The following PIK3CD variants were observed in gnomAD, a reference collection of about 807,000 sequenced individuals.
PIK3CD encodes the protein phosphatidylinositol 4,5-bisphosphate 3-kinase catalytic subunit delta isoform.
PIK3CD carries 20 observed loss-of-function variants against 122.9 expected under a neutral mutation model. That is an observed-to-expected ratio of 0.16 (90% CI 0.11 to 0.24). The LOEUF (loss-of-function observed/expected upper bound fraction) is 0.24. PIK3CD is among the 10% of genes least tolerant of loss of function. PIK3CD has a pLI of 1.00. For missense variants in PIK3CD, 787 were observed against 1,406.3 expected, an observed-to-expected ratio of 0.56 and a Z score of 7.04; for synonymous variants, 596 against 593.4, an observed-to-expected ratio of 1.00 and a Z score of -0.06.
the PIK3CD span, among the ~76,000 whole-genome samples, chr1:9,636,858 G>T: frequency 6.6e-6 from 1 of 152,020 alleles, no homozygotes; most frequent in African/African-American, 2.4e-5. Context: ...GGTGATCTTG[G>T]CAAGTTACCT....
rs1045622331 is a variant in PIK3CD at position 9,715,076 on chromosome 1, C to T, written c.142-465C>T. The stretch of plus-strand genomic sequence containing the variant: ...CCTATAATCCCAGCTACTCGGGAGG[C>T]TGAGGCAAGAGAATCACTTGAACCT... On this transcript the variant is annotated intron_variant, in intron 3 of 23. Transcript: ENST00000377346. The surrounding 1 kb of genome is among the most constrained non-coding windows in gnomAD (Gnocchi z 4.1). 8.5e-5 allele frequency among the ~76,000 whole-genome samples: 13 copies of T among 152,172 alleles called. No homozygotes were observed. Among genetic ancestry groups the T allele is most frequent in the Non-Finnish European group, 1.8e-4 (12 of 68,036 alleles).
chr1:9,703,238 A>G (rs890950685), intron 2 of PIK3CD, among the ~76,000 whole-genome samples: 2 of 152,218 alleles, frequency 1.3e-5, no homozygotes, highest in African/African-American at 2.4e-5. Context: ...CTGGAATCCT[A>G]TAGTCAGGGA....
chr1:9,695,269 C>G (rs1381690343), intron 2 of PIK3CD, among the ~76,000 whole-genome samples: 1 of 151,528 alleles, frequency 6.6e-6, no homozygotes, highest in Non-Finnish European at 1.5e-5. Context: ...TCCAGGAGAC[C>G]CAGCATGCAC....
rs555116022 is a variant in PIK3CD at position 9,690,749 on chromosome 1, A to C, written c.-137-718A>C. 1.5e-3 allele frequency among the ~76,000 whole-genome samples: 223 copies of C among 152,154 alleles called. 1 individual carries two copies. Among genetic ancestry groups the C allele is most frequent in the African/African-American group, 3.7e-3 (152 of 41,500 alleles). ...TAGGGCTCTGCTGTTTGACTCATGGAGAAGCCGGTGGTTTTGGTGTTGTGC... is the reference window on the plus strand; with the variant it reads ...TAGGGCTCTGCTGTTTGACTCATGGCGAAGCCGGTGGTTTTGGTGTTGTGC... On this transcript the variant is annotated intron_variant, in intron 1 of 23. Coordinates refer to ENST00000377346, the MANE Select transcript of PIK3CD (RefSeq NM_005026.5).
At chr1:9,638,681 G>A in the PIK3CD span, among the ~76,000 whole-genome samples, 4 of 136,012 alleles carry the variant, frequency 2.9e-5, no homozygotes, top group Admixed American at 7.8e-5. Flanking sequence ...GCAGTGAGCC[G>A]AGATTGCACC....
intron 1 of PIK3CD, among the ~76,000 whole-genome samples, chr1:9,655,240 C>T (rs1425996593): frequency 6.6e-6 from 1 of 151,984 alleles, no homozygotes; most frequent in African/African-American, 2.4e-5. Flanking sequence ...CAGAGCCTGG[C>T]TTGTTTGAAA....
upstream of PIK3CD, among the ~76,000 whole-genome samples, chr1:9,647,521 A>ATTATTATTG (rs1644620262): frequency 6.7e-6 from 1 of 148,656 alleles, no homozygotes; most frequent in African/African-American, 2.5e-5. Context: ...TATTATTATT[A>ATTATTATTG]GAGACGTGGT....
In PIK3CD at chr1:9,723,922, G is replaced by A. The variant is rs28730677; in HGVS notation, c.2595-47G>A. 5,586 of 1,583,932 alleles carry A rather than the reference G, an allele frequency of 3.5e-3. 115 individuals are homozygous for A. The East Asian group carries it at 0.05, about 14-fold the overall frequency. On this transcript the variant is annotated intron_variant, in intron 20 of 23. Coordinates refer to ENST00000377346, the MANE Select transcript of PIK3CD (RefSeq NM_005026.5). This position sits in a 1 kb window ranked among gnomAD's most constrained non-coding sequence, Gnocchi z 4.9. ...AGTAATAACCCACCTCTTGATAGGCGGAGCTGCAAAATGGTATGGCCATGC... is the reference window on the plus strand; with the variant it reads ...AGTAATAACCCACCTCTTGATAGGCAGAGCTGCAAAATGGTATGGCCATGC...
chr1:9,726,537 AT>A (rs1057031942), intron 23 of PIK3CD, among the ~76,000 whole-genome samples: 8 of 151,868 alleles, frequency 5.3e-5, no homozygotes, highest in Admixed American at 5.3e-4. Flanking sequence ...ATACATATGT[AT>A]TTTTTTTCCT....
chr1:9,718,955 A>G lies in PIK3CD; in HGVS notation c.1242+40A>G. On this transcript the variant is annotated intron_variant, in intron 9 of 23. Coordinates refer to ENST00000377346, the MANE Select transcript of PIK3CD (RefSeq NM_005026.5). The surrounding 1 kb of genome is among the most constrained non-coding windows in gnomAD (Gnocchi z 7.2). ...CGGCTGGGAGGGGTGCAGACCCCGGAGAGCCAGTACAGCCCCTTGCTGGGC... is the reference window on the plus strand; with the variant it reads ...CGGCTGGGAGGGGTGCAGACCCCGGGGAGCCAGTACAGCCCCTTGCTGGGC... 1 of 1,577,874 alleles carries G rather than the reference A, an allele frequency of 6.3e-7. No individual in the cohort carries two copies. Among genetic ancestry groups the G allele is most frequent in the Non-Finnish European group, 8.7e-7 (1 of 1,153,262 alleles).
At chr1:9,674,202 G>A (rs1388525925) in intron 1 of PIK3CD, among the ~76,000 whole-genome samples, 1 of 152,184 alleles carries the variant, frequency 6.6e-6, no homozygotes, top group East Asian at 1.9e-4. Flanking sequence ...CTCCAGAAAG[G>A]GGGCATCAGG....
rs1363553691 is a variant in PIK3CD at position 9,651,760 on chromosome 1, GC to G, written c.-178del. On this transcript the variant is annotated 5_prime_UTR_variant, in exon 1 of 24. Transcript: ENST00000377346. Reference sequence around the variant, plus strand: ...GCGCCCAGCGCAGTCGCTCCGAGCGGCCGCGAGCAGAGCCGCCCAGCCCTGC... The same window carrying G: ...GCGCCCAGCGCAGTCGCTCCGAGCGGCGCGAGCAGAGCCGCCCAGCCCTGC... 1 of 151,478 alleles carries G rather than the reference GC, an allele frequency of 6.6e-6. No homozygotes were observed. Among genetic ancestry groups the G allele is most frequent in the Non-Finnish European group, 1.5e-5 (1 of 67,784 alleles). 9.4% of individuals were successfully genotyped at this position (151,478 alleles called of 1,614,324 possible).
In PIK3CD at chr1:9,722,399, G is replaced by A. The variant is rs748468679; in HGVS notation, c.2347+43G>A. 7 of 1,568,342 alleles carry A rather than the reference G, an allele frequency of 4.5e-6. No individual in the cohort carries two copies. Among genetic ancestry groups the A allele is most frequent in the Middle Eastern group, 1.7e-4 (1 of 6,020 alleles). On this transcript the variant is annotated intron_variant, in intron 18 of 23. Coordinates refer to ENST00000377346, the MANE Select transcript of PIK3CD (RefSeq NM_005026.5). The surrounding 1 kb of genome is among the most constrained non-coding windows in gnomAD (Gnocchi z 7.6). ...CCACACCCCGCCTGTACTGCCCTGG[G>A]GGGTCCTGGGGTGCTCCTAGAGTGG... is the stretch of plus-strand genomic sequence containing the variant.
At chr1:9,698,693 A>T (rs946625642) in intron 2 of PIK3CD, among the ~76,000 whole-genome samples, 7 of 152,158 alleles carry the variant, frequency 4.6e-5, no homozygotes, top group Admixed American at 1.3e-4. Context: ...ATAATTCCCA[A>T]ATTCCCAAAG....
chr1:9,723,115 C>A lies in PIK3CD; in HGVS notation c.2427-10C>A. The A allele has an allele frequency of 6.2e-7, 1 of 1,613,290 alleles. No individual in the cohort carries two copies. Among genetic ancestry groups the A allele is most frequent in the Non-Finnish European group, 8.5e-7 (1 of 1,179,880 alleles). ...ATGCCATTTGCCCGTCCCTCTTCCC[C>A]CTTGCCTAGGATGACCCCCTATGGC... On this transcript the variant is annotated splice_polypyrimidine_tract_variant and intron_variant, in intron 19 of 23. Coordinates refer to ENST00000377346, the MANE Select transcript of PIK3CD (RefSeq NM_005026.5). The surrounding 1 kb of genome is among the most constrained non-coding windows in gnomAD (Gnocchi z 4.9).
chr1:9,676,879 T>A (rs994628278), intron 1 of PIK3CD, among the ~76,000 whole-genome samples: 2 of 151,852 alleles, frequency 1.3e-5, no homozygotes, highest in African/African-American at 4.8e-5. Context: ...TGGGACAGAG[T>A]CTGAACCGAT....
At chr1:9,633,882 C>CAG in the PIK3CD span, among the ~76,000 whole-genome samples, 1 of 152,162 alleles carries the variant, frequency 6.6e-6, no homozygotes, top group Admixed American at 6.6e-5. Context: ...TAAGAGGGAC[C>CAG]AGAGACCTGT....
At chr1:9,678,805 C>T (rs1645636446) in intron 1 of PIK3CD, among the ~76,000 whole-genome samples, 1 of 152,230 alleles carries the variant, frequency 6.6e-6, no homozygotes. Context: ...TTAAAGAAGA[C>T]ATTGCACAAG....
chr1:9,656,929 C>T (rs1178546258), intron 1 of PIK3CD, among the ~76,000 whole-genome samples: 5 of 128,864 alleles, frequency 3.9e-5, no homozygotes, highest in South Asian at 5.4e-4. Flanking sequence ...GGTGACAGAG[C>T]GAGACTCCAT....
Sources: allele counts gnomAD v4.1 joint callset (sites outside exome capture counted in the v4.1 genomes callset), GRCh38; gene constraint gnomAD v4.1.1; non-coding constraint Gnocchi (gnomAD v3.1); transcripts MANE v1.5; gene names NCBI Gene and HGNC (gene_info 2026-07-23, HGNC 2026-07-21).